SPECC1: variants seen among roughly 807,000 people sequenced by gnomAD.
SPECC1 encodes the protein sperm antigen with calponin homology and coiled-coil domains 1, also known as cytospin-B.
A neutral mutation model predicts 104.1 loss-of-function variants in SPECC1; 62 were observed. The ratio of observed to expected loss-of-function variants is 0.60; its 90% CI spans 0.49 to 0.74. The LOEUF (loss-of-function observed/expected upper bound fraction) is 0.74, where lower values mean the gene tolerates loss of function less well. Among genes scored for constraint, SPECC1 ranks in the 30% least tolerant of loss-of-function variants. SPECC1 has a pLI of 0.00. For synonymous variants in SPECC1, 513 were observed against 501.6 expected (o/e 1.02, Z -0.30); for missense variants, 1,306 against 1,310.5 (o/e 1.00, Z 0.05).
chr17:20,224,667 G>A (rs1443853288), intron 4 of SPECC1, among the ~76,000 whole-genome samples: 2 of 152,130 alleles, frequency 1.3e-5, no homozygotes, highest in African/African-American at 4.8e-5. Context: ...TTTATTCAGG[G>A]CCCAAGTTCT....
chr17:20,112,536 A>G (rs2048544142), intron 3 of SPECC1: 2 of 777,716 alleles, frequency 2.6e-6, no homozygotes, highest in Admixed American at 1.7e-5. Context: ...TGAAACATTA[A>G]CTTCAAAATG....
chr17:20,231,999 T>C (rs1194479866), intron 6 of SPECC1, among the ~76,000 whole-genome samples, 168 bp downstream of exon 6: 2 of 152,176 alleles, frequency 1.3e-5, no homozygotes, highest in Non-Finnish European at 2.9e-5. Context: ...AGTCATTTGG[T>C]GTCAGGATGG....
At chr17:20,208,281 G>A (rs1393550941) in intron 4 of SPECC1, among the ~76,000 whole-genome samples, 3 of 152,176 alleles carry the variant, frequency 2.0e-5, no homozygotes, top group Non-Finnish European at 2.9e-5. Flanking sequence ...ATCACATAGG[G>A]TTTCTTGTAT....
intron 1 of SPECC1, among the ~76,000 whole-genome samples, chr17:20,090,303 A>T (rs2047347366): frequency 6.6e-6 from 1 of 152,078 alleles, no homozygotes; most frequent in Non-Finnish European, 1.5e-5. Flanking sequence ...GAGGGAGAGG[A>T]TGCGTATGAG....
chr17:20,308,242 G>A (rs950835270), intron 14 of SPECC1, among the ~76,000 whole-genome samples: 3 of 151,696 alleles, frequency 2.0e-5, no homozygotes, highest in Non-Finnish European at 2.9e-5. Context: ...ACACAAAATT[G>A]GCCAGGTGTG....
chr17:20,207,517 C>T (rs2151365740), intron 4 of SPECC1, among the ~76,000 whole-genome samples: 1 of 152,218 alleles, frequency 6.6e-6, no homozygotes, highest in Middle Eastern at 3.4e-3. Context: ...ATCAGTCCCT[C>T]TGTGTTTTTG....
chr17:20,152,824 C>G (rs560240141), intron 3 of SPECC1, among the ~76,000 whole-genome samples: 1 of 152,126 alleles, frequency 6.6e-6, no homozygotes, highest in South Asian at 2.1e-4. Context: ...CGTGCCACCA[C>G]GCCTAGCTAA....
intron 1 of SPECC1, among the ~76,000 whole-genome samples, chr17:20,093,397 G>T (rs2047490562): frequency 1.3e-5 from 2 of 152,180 alleles, no homozygotes; most frequent in East Asian, 3.8e-4. Flanking sequence ...AGAACATTCA[G>T]ATCATAGCAG....
chr17:20,106,290 A>G (rs929355208), intron 2 of SPECC1, among the ~76,000 whole-genome samples: 3 of 152,310 alleles, frequency 2.0e-5, no homozygotes, highest in Middle Eastern at 3.4e-3. Flanking sequence ...ATTATAGACT[A>G]TGGTCATTTA....
chr17:20,187,021 C>A (rs2035327844), intron 3 of SPECC1, among the ~76,000 whole-genome samples: 2 of 151,996 alleles, frequency 1.3e-5, no homozygotes, highest in Non-Finnish European at 2.9e-5. Context: ...ATGCTTGGGA[C>A]CAGATGTGTT....
At chr17:20,187,014 C>CA (rs1477574707) in intron 3 of SPECC1, among the ~76,000 whole-genome samples, 3 of 152,024 alleles carry the variant, frequency 2.0e-5, no homozygotes, top group Non-Finnish European at 4.4e-5. Flanking sequence ...ATCTGAAATG[C>CA]TTGGGACCAG....
chr17:20,236,386 T>C (rs2038911146), intron 7 of SPECC1, among the ~76,000 whole-genome samples: 1 of 139,482 alleles, frequency 7.2e-6, no homozygotes, highest in African/African-American at 3.1e-5. Flanking sequence ...TCTATAATTC[T>C]AAAGAGCTGT....
At chr17:20,019,106 A>G (rs1419085912) in intron 1 of SPECC1, among the ~76,000 whole-genome samples, 5 of 152,158 alleles carry the variant, frequency 3.3e-5, no homozygotes, top group Non-Finnish European at 7.3e-5. Flanking sequence ...GCCAAGCACA[A>G]TGGCTCATGT....
At chr17:20,159,575 A>G (rs925353619) in intron 3 of SPECC1, among the ~76,000 whole-genome samples, 2 of 152,244 alleles carry the variant, frequency 1.3e-5, no homozygotes, top group East Asian at 1.9e-4. Context: ...GCAGCTTCTC[A>G]GCTGCTGCTG....
chr17:20,306,194 G>A (rs752430689), intron 14 of SPECC1, 112 bp downstream of exon 14: 7 of 967,428 alleles, frequency 7.2e-6, no homozygotes, highest in South Asian at 1.5e-5. Flanking sequence ...CCGAAAGTCT[G>A]TTGCTCTCAA....
intron 12 of SPECC1, among the ~76,000 whole-genome samples, chr17:20,271,700 A>C (rs1215775663): frequency 1.3e-5 from 2 of 151,720 alleles, no homozygotes; most frequent in Non-Finnish European, 2.9e-5. Context: ...AGTCCCTGTT[A>C]GTTCTTTGCC....
intron 12 of SPECC1, among the ~76,000 whole-genome samples, chr17:20,283,879 A>G (rs1035778423): frequency 4.6e-5 from 7 of 152,080 alleles, no homozygotes; most frequent in African/African-American, 1.7e-4. Flanking sequence ...ATGAGCTACC[A>G]TGTCTGTCCT....
intron 4 of SPECC1, among the ~76,000 whole-genome samples, chr17:20,210,009 T>G (rs1291748725): frequency 6.6e-6 from 1 of 152,214 alleles, no homozygotes; most frequent in East Asian, 1.9e-4. Flanking sequence ...AAATAACCCC[T>G]TGGCATGAAT....
intron 7 of SPECC1, among the ~76,000 whole-genome samples, chr17:20,243,788 C>G (rs918892129): frequency 6.6e-6 from 1 of 152,126 alleles, no homozygotes; most frequent in Admixed American, 6.5e-5. Flanking sequence ...ATTTAGATAA[C>G]TGAAAGGAAT....
Sources: allele counts gnomAD v4.1 joint callset (sites outside exome capture counted in the v4.1 genomes callset), GRCh38; gene constraint gnomAD v4.1.1; transcripts MANE v1.5; gene names NCBI Gene and HGNC (gene_info 2026-07-23, HGNC 2026-07-21).